Variants in MPV17 observed in about 807,000 individuals in gnomAD.
MPV17 encodes the protein MPV17, mitochondrial inner membrane protein.
MPV17 carries 31 observed loss-of-function variants against 28.6 expected under a neutral mutation model. The observed-to-expected ratio is 1.08, with a 90% CI of 0.81 to 1.46. The LOEUF is 1.46. Ranked by LOEUF, MPV17 falls within the 40% of genes most tolerant of loss-of-function variation. The pLI, the probability that MPV17 is intolerant of heterozygous loss-of-function variation, is 0.00. For missense variants in MPV17, 198 were observed against 216.2 expected (o/e 0.92, Z 0.53); for synonymous variants, 87 against 85.3 (o/e 1.02, Z -0.11).
At chr2:27,319,785 G>A (rs1558604231) in intron 2 of MPV17, among the ~76,000 whole-genome samples, 3 of 151,480 alleles carry the variant, frequency 2.0e-5, no homozygotes, top group Admixed American at 2.0e-4. Flanking sequence ...AAGTAGCCTG[G>A]TGTGGTGCTG....
At chr2:27,310,889 C>T (rs1178522303) in intron 7 of MPV17, among the ~76,000 whole-genome samples, 7 of 151,778 alleles carry the variant, frequency 4.6e-5, no homozygotes, top group Admixed American at 2.0e-4. Context: ...GGACTACAGG[C>T]ACCTGCCACC....
Position 27,309,827 on chromosome 2 carries a change from G to T in MPV17, c.*85C>A. 1 of 1,142,198 alleles carries T rather than the reference G, an allele frequency of 8.8e-7. No individual in the cohort carries two copies. The highest frequency in any genetic ancestry group is 1.3e-6 in the Non-Finnish European group (1 of 756,898). 70.8% of individuals were successfully genotyped at this position (1,142,198 alleles called of 1,614,324 possible). ...CCGGCAACCCAACCCCGTGGAAACT[G>T]GTATGCCCACTTTGAGGAGGTTGTC... is the stretch of plus-strand genomic sequence containing the variant. On this transcript the variant is annotated 3_prime_UTR_variant, in exon 8 of 8. Coordinates refer to ENST00000380044, the MANE Select transcript of MPV17 (RefSeq NM_002437.5).
chr2:27,314,138 A>C (rs1365616916), intron 2 of MPV17, among the ~76,000 whole-genome samples: 1 of 152,144 alleles, frequency 6.6e-6, no homozygotes, highest in African/African-American at 2.4e-5. Flanking sequence ...CAGCCTGGGC[A>C]ATATAGCAAG....
intron 2 of MPV17, among the ~76,000 whole-genome samples, chr2:27,318,793 C>G (rs1235386589): frequency 6.6e-6 from 1 of 151,780 alleles, no homozygotes; most frequent in Non-Finnish European, 1.5e-5. Flanking sequence ...GAGATGGAGT[C>G]TCGCTCTGTC....
Position 27,316,960 on chromosome 2 carries a change from G to A in MPV17, c.71-3851C>T, listed in dbSNP as rs1373249126. 3 of 988,062 alleles carry A rather than the reference G, an allele frequency of 3.0e-6. No homozygotes were observed. The African/African-American group carries it at 5.0e-5, about 16-fold the overall frequency. The allele number at this position is 988,062 out of a possible 1,614,324, so 61.2% of individuals were successfully genotyped here. A position where few individuals can be genotyped will look rare whatever the true frequency, so the allele number is the denominator to read the frequency against. ...CAGGGGGAAGGGAGCCTGCCTCTGA[G>A]CAGATCAATTTGGGACCACTTCCTG... On this transcript the variant is annotated intron_variant, in intron 2 of 7. Coordinates refer to ENST00000380044, the MANE Select transcript of MPV17 (RefSeq NM_002437.5).
At chr2:27,319,887 C>A (rs1679790217) in intron 2 of MPV17, among the ~76,000 whole-genome samples, 1 of 150,078 alleles carries the variant, frequency 6.7e-6, no homozygotes, top group African/African-American at 2.5e-5. Context: ...TATAGCACCA[C>A]CACTCTCCAG....
At chr2:27,314,559 G>A (rs144844534) in intron 2 of MPV17, among the ~76,000 whole-genome samples, 2 of 152,126 alleles carry the variant, frequency 1.3e-5, no homozygotes, top group Non-Finnish European at 2.9e-5. Flanking sequence ...CAGATACCCA[G>A]CTCCAAGCAG....
At chr2:27,311,041 CCT>C (rs1679419157) in intron 7 of MPV17, 2 of 131,790 alleles carry the variant, frequency 1.5e-5, no homozygotes, top group African/African-American at 2.9e-5. Context: ...CTGTGTCCAG[CCT>C]TTTTTTTTTT....
rs1558598823 is a variant in MPV17 at position 27,312,233 on chromosome 2, G to A, written c.389C>T (p.Ala130Val). ...TCTTACATAGTAGTTGGTGATAAGG[G>A]CATCAGGATAATCCTGGGGAGACAG... ...WAKLQRDYPD[A>V]LITNYYLWPA... is the part of the protein sequence containing the mutation. The change falls in exon 6 of 8, where the codon GCC becomes GTC. Residue 130 changes from alanine (A) to valine (V), a missense_variant. Ala to Val is a moderately conservative substitution (Grantham distance 64). Coordinates refer to ENST00000380044, the MANE Select transcript of MPV17 (RefSeq NM_002437.5). The A allele has an allele frequency of 6.2e-7, 1 of 1,614,080 alleles. No homozygotes were observed. Among genetic ancestry groups the A allele is most frequent in the East Asian group, 2.2e-5 (1 of 44,882 alleles).
chr2:27,316,657 A>C (rs1679666355), intron 2 of MPV17: 2 of 209,576 alleles, frequency 9.5e-6, no homozygotes, highest in South Asian at 2.1e-4. Context: ...AAACCACCCC[A>C]GCCTCTGGGA....
chr2:27,312,415 T>A, intron 5 of MPV17, 79 bp downstream of exon 5: 1 of 1,521,084 alleles, frequency 6.6e-7, no homozygotes, highest in Non-Finnish European at 9.1e-7. Flanking sequence ...CCCCCTTTTT[T>A]ATCCCTGTAA....
rs372715106 is a variant in MPV17, at chr2:27,309,987, G to C, written c.462-6C>G. 6.2e-7 allele frequency: 1 copy of C among 1,612,148 alleles called. No homozygotes were observed. Among genetic ancestry groups the C allele is most frequent in the African/African-American group, 1.3e-5 (1 of 75,006 alleles). Reference sequence around the variant, plus strand: ...CACATTGGACAACGGCCAACCTAAGGAACAGGAATAACACAATGAAGAGGA... The same window carrying C: ...CACATTGGACAACGGCCAACCTAAGCAACAGGAATAACACAATGAAGAGGA... On this transcript the variant is annotated splice_polypyrimidine_tract_variant and splice_region_variant and intron_variant, in intron 7 of 7. Coordinates refer to ENST00000380044, the MANE Select transcript of MPV17 (RefSeq NM_002437.5).
chr2:27,313,341 A>G, intron 2 of MPV17: 1 of 914,912 alleles, frequency 1.1e-6, no homozygotes, highest in Non-Finnish European at 1.6e-6. Flanking sequence ...ACCCAGGTCC[A>G]GGAACTTTGC....
rs575276701 is a variant in MPV17, at chr2:27,309,499, T to A, written c.*413A>T. The A allele has an allele frequency of 1.7e-5, 5 of 286,296 alleles. No individual in the cohort carries two copies. The highest frequency in any genetic ancestry group is 1.1e-4 in the African/African-American group (5 of 46,736). 17.7% of individuals were successfully genotyped at this position (286,296 alleles called of 1,614,324 possible). ...ACTCATTACCACTGCAGATTCCGGATTACATATTTAATAACATATTTACTG... is the reference window on the plus strand; with the variant it reads ...ACTCATTACCACTGCAGATTCCGGAATACATATTTAATAACATATTTACTG... On this transcript the variant is annotated 3_prime_UTR_variant, in exon 8 of 8. Coordinates refer to ENST00000380044, the MANE Select transcript of MPV17 (RefSeq NM_002437.5).
chr2:27,312,259 A>C lies in MPV17; in HGVS notation c.376-13T>G. 6.2e-7 allele frequency: 1 copy of C among 1,614,030 alleles called. No homozygotes were observed. Among genetic ancestry groups the C allele is most frequent in the Non-Finnish European group, 8.5e-7 (1 of 1,179,846 alleles). On this transcript the variant is annotated splice_polypyrimidine_tract_variant and intron_variant, in intron 5 of 7. Coordinates refer to ENST00000380044, the MANE Select transcript of MPV17 (RefSeq NM_002437.5). ...CATCAGGATAATCCTGGGGAGACAGAGAAGGAACAAATTAACACTTGCGCC... is the reference window on the plus strand; with the variant it reads ...CATCAGGATAATCCTGGGGAGACAGCGAAGGAACAAATTAACACTTGCGCC...
In MPV17 at chr2:27,317,067, C is replaced by A; in HGVS notation, c.71-3958G>T. On this transcript the variant is annotated intron_variant, in intron 2 of 7. Transcript: ENST00000380044. The surrounding 1 kb of genome is among the most constrained non-coding windows in gnomAD (Gnocchi z 4.0). ...AATTCCCTACTTCTCCTATTTTGTT[C>A]CTCTACTTACTTTTGTGGCTTTTGA... The A allele has an allele frequency of 1.9e-6, 3 of 1,544,098 alleles. No individual in the cohort carries two copies. Among genetic ancestry groups the A allele is most frequent in the South Asian group, 1.2e-5 (1 of 83,278 alleles).
intron 7 of MPV17, chr2:27,311,339 G>T: frequency 2.0e-6 from 1 of 495,884 alleles, no homozygotes; most frequent in Non-Finnish European, 3.6e-6. Flanking sequence ...AGAATTACAG[G>T]TGTGAGCCAC....
intron 2 of MPV17, among the ~76,000 whole-genome samples, chr2:27,318,730 T>C (rs1429179253): frequency 6.6e-6 from 1 of 152,006 alleles, no homozygotes; most frequent in African/African-American, 2.4e-5. Context: ...AAATAGCTAT[T>C]CATCCAGACA....
At chr2:27,322,047 G>T in intron 2 of MPV17, 1 of 245,950 alleles carries the variant, frequency 4.1e-6, no homozygotes, top group South Asian at 5.4e-5. Context: ...GCACTTATTA[G>T]GTGTGATCTA....
Sources: allele counts gnomAD v4.1 joint callset (sites outside exome capture counted in the v4.1 genomes callset), GRCh38; gene constraint gnomAD v4.1.1; non-coding constraint Gnocchi (gnomAD v3.1); transcripts MANE v1.5; gene names NCBI Gene and HGNC (gene_info 2026-07-23, HGNC 2026-07-21).